The following DACH2 variants were observed in gnomAD, a reference collection of about 807,000 sequenced individuals.
DACH2 encodes the protein dachshund family transcription factor 2.
DACH2 carries 17 observed loss-of-function variants against 35.8 expected under a neutral mutation model. The observed-to-expected ratio is 0.48, with a 90% CI of 0.33 to 0.71. The LOEUF (loss-of-function observed/expected upper bound fraction) is 0.71, where lower values mean the gene tolerates loss of function less well. DACH2 is among the 30% of genes least tolerant of loss of function. DACH2 has a pLI of 0.02. For missense variants in DACH2, 469 were observed against 472.7 expected (o/e 0.99, Z 0.07); for synonymous variants, 195 against 177.3 (o/e 1.10, Z -0.79).
intron 3 of DACH2, among the ~76,000 whole-genome samples, chrX:86,594,304 T>C (rs1382035457): frequency 1.8e-5 from 2 of 111,688 alleles, no homozygotes; most frequent in Non-Finnish European, 3.8e-5. Flanking sequence ...AATCAAGTTT[T>C]AGTTTCAGTG....
chrX:86,585,572 C>G (rs1393004470), intron 3 of DACH2, among the ~76,000 whole-genome samples: 1 of 110,354 alleles, frequency 9.1e-6, no homozygotes, highest in Non-Finnish European at 1.9e-5. Flanking sequence ...ACCTTCCATC[C>G]TCAGGTAGGC....
chrX:86,399,097 A>G (rs923664348), intron 2 of DACH2, among the ~76,000 whole-genome samples: 3 of 111,889 alleles, frequency 2.7e-5, no homozygotes, highest in African/African-American at 9.8e-5. Context: ...TATTTAGGAT[A>G]GTTCTTCATG....
At chrX:86,605,693 T>A (rs1217075527) in intron 3 of DACH2, among the ~76,000 whole-genome samples, 1 of 110,565 alleles carries the variant, frequency 9.0e-6, no homozygotes, top group African/African-American at 3.3e-5. Context: ...ATGTTAAGCC[T>A]TTTGATATTT....
At chrX:86,359,447 C>T (rs1390075857) in intron 1 of DACH2, among the ~76,000 whole-genome samples, 1 of 111,108 alleles carries the variant, frequency 9.0e-6, no homozygotes, top group Non-Finnish European at 1.9e-5. Context: ...CTTGTATAGT[C>T]ACATAGAAGA....
chrX:86,743,302 C>T (rs1483221621), intron 7 of DACH2, among the ~76,000 whole-genome samples: 3 of 111,213 alleles, frequency 2.7e-5, no homozygotes, highest in African/African-American at 9.8e-5. Context: ...CTTAGGAGAG[C>T]TGTTCAAGGA....
Position 86,760,498 on chromosome X carries a change from T to A in DACH2, c.1240+20616T>A, listed in dbSNP as rs746918003. ...TGTAGTCAGTTCATTATTGAAACTT[T>A]CAGATGTGTTTTCTATTTCATTCAA... On this transcript the variant is annotated intron_variant, in intron 7 of 11. Coordinates refer to ENST00000373125, the MANE Select transcript of DACH2 (RefSeq NM_053281.3). 4.5e-5 allele frequency among the ~76,000 whole-genome samples: 5 copies of A among 111,909 alleles called. No individual in the cohort carries two copies. In the South Asian group the frequency reaches 1.8e-3, roughly 41 times the overall value.
chrX:86,398,609 C>T lies in DACH2; in HGVS notation c.527+21747C>T, dbSNP rs182845944. Among the ~76,000 whole-genome samples, 1,032 of 111,914 alleles carry T rather than the reference C, an allele frequency of 9.2e-3. 5 individuals carry two copies. The highest frequency in any genetic ancestry group is 0.015 in the Non-Finnish European group (782 of 53,168). ...GTTGTGTCTTTGTTCTCGTTAGTTT[C>T]AAAGAATATCTTTATTTCTGCCTTC... is the stretch of plus-strand genomic sequence containing the variant. On this transcript the variant is annotated intron_variant, in intron 2 of 11. Transcript: ENST00000373125.
chrX:86,403,635 T>G (rs2036473778), intron 2 of DACH2, among the ~76,000 whole-genome samples: 1 of 112,019 alleles, frequency 8.9e-6, no homozygotes, highest in East Asian at 2.8e-4. Flanking sequence ...AGTTTGGAGA[T>G]TTCTCAAAGA....
At chrX:86,299,307 T>G (rs1434441136) in intron 1 of DACH2, among the ~76,000 whole-genome samples, 2 of 111,619 alleles carry the variant, frequency 1.8e-5, no homozygotes, top group Non-Finnish European at 3.8e-5. Flanking sequence ...ATGACTCTTA[T>G]GTTACACTGT....
Position 86,821,206 on chromosome X carries a change from C to T in DACH2, c.1750+5107C>T, listed in dbSNP as rs192014246. Among the ~76,000 whole-genome samples the T allele has an allele frequency of 1.6e-3, 174 of 110,832 alleles. 1 individual carries two copies. The highest frequency in any genetic ancestry group is 5.5e-3 in the African/African-American group (167 of 30,574). On this transcript the variant is annotated intron_variant, in intron 11 of 11. Coordinates refer to ENST00000373125, the MANE Select transcript of DACH2 (RefSeq NM_053281.3). ...TATTAATTTCCCTCCCATTGATGCC[C>T]GGTACTGTGTTGGAAGATATACACA...
chrX:86,298,538 G>A (rs901358252), intron 1 of DACH2, among the ~76,000 whole-genome samples: 1 of 111,678 alleles, frequency 9.0e-6, no homozygotes, highest in African/African-American at 3.2e-5. Flanking sequence ...ACTGGGTAAA[G>A]TGCATTTTAT....
intron 1 of DACH2, among the ~76,000 whole-genome samples, chrX:86,282,056 G>A (rs996846596): frequency 2.1e-4 from 24 of 112,150 alleles, no homozygotes; most frequent in Middle Eastern, 4.2e-3. Flanking sequence ...AATGAATATC[G>A]TGAAAATAGC....
chrX:86,718,252 T>C (rs2041360770), intron 6 of DACH2, among the ~76,000 whole-genome samples: 1 of 111,882 alleles, frequency 8.9e-6, no homozygotes, highest in Non-Finnish European at 1.9e-5. Context: ...TAATTAGTGA[T>C]GTTGAGCATT....
At chrX:86,189,370 G>T (rs773932734) in intron 1 of DACH2, among the ~76,000 whole-genome samples, 1 of 111,836 alleles carries the variant, frequency 8.9e-6, no homozygotes, top group African/African-American at 3.2e-5. Flanking sequence ...TGGTGTGTTT[G>T]GGGGTGTTTG....
intron 3 of DACH2, among the ~76,000 whole-genome samples, chrX:86,538,001 T>A (rs986034630): frequency 1.2e-4 from 13 of 110,714 alleles, no homozygotes; most frequent in African/African-American, 4.3e-4. Context: ...TTCCACTACC[T>A]ACCCAAATCC....
chrX:86,632,492 A>G (rs2040212793), intron 3 of DACH2, among the ~76,000 whole-genome samples: 1 of 93,949 alleles, frequency 1.1e-5, no homozygotes, highest in Admixed American at 1.2e-4. Flanking sequence ...AGTCATACAC[A>G]TGCACACACA....
intron 2 of DACH2, among the ~76,000 whole-genome samples, chrX:86,424,249 CAGTG>C (rs2036855107): frequency 9.0e-6 from 1 of 110,916 alleles, no homozygotes; most frequent in Non-Finnish European, 1.9e-5. Flanking sequence ...ATAGGGATTT[CAGTG>C]AACCTGTAGA....
chrX:86,813,387 G>A (rs1364097154), intron 9 of DACH2, 110 bp downstream of exon 9: 23 of 649,530 alleles, frequency 3.5e-5, no homozygotes, highest in Non-Finnish European at 5.0e-5. Flanking sequence ...AGGATCACGA[G>A]GTCAGGAGAT....
chrX:86,745,026 A>C (rs1208161843), intron 7 of DACH2, among the ~76,000 whole-genome samples: 1 of 110,635 alleles, frequency 9.0e-6, no homozygotes, highest in African/African-American at 3.3e-5. Context: ...CTGGGAAGTA[A>C]ATGTTTTCAA....
Sources: gnomAD v4.1 joint callset for allele counts (sites outside exome capture counted in the v4.1 genomes callset) on GRCh38, gnomAD v4.1.1 for gene constraint, MANE v1.5 for transcripts, NCBI Gene and HGNC (gene_info 2026-07-23, HGNC 2026-07-21) for gene names.